Variants in GNA14 observed in about 807,000 individuals in gnomAD.
GNA14 encodes the protein guanine nucleotide-binding protein subunit alpha-14.
GNA14 carries 50 observed loss-of-function variants against 42.0 expected under a neutral mutation model. The ratio of observed to expected loss-of-function variants is 1.19; its 90% CI spans 0.95 to 1.51. The LOEUF is 1.51. GNA14 is among the 40% of genes most tolerant of loss of function. The probability of loss-of-function intolerance (pLI) is 0.00; values close to 1 mark genes in which losing one functional copy is unlikely to be tolerated. For synonymous variants in GNA14, 173 were observed against 163.1 expected, an observed-to-expected ratio of 1.06 and a Z score of -0.46; for missense variants, 473 against 446.2, an observed-to-expected ratio of 1.06 and a Z score of -0.54.
chr9:77,426,786 G>A (rs1018060004), intron 5 of GNA14, among the ~76,000 whole-genome samples: 8 of 152,176 alleles, frequency 5.3e-5, no homozygotes, highest in African/African-American at 1.4e-4. Context: ...AATTGTTCTA[G>A]ATAGCATTCT....
intron 2 of GNA14, among the ~76,000 whole-genome samples, chr9:77,446,877 C>T (rs1306549330): frequency 2.6e-5 from 4 of 152,188 alleles, no homozygotes; most frequent in Middle Eastern, 3.4e-3. Flanking sequence ...TCTAGGCTAG[C>T]TTAAAGAAAT....
intron 1 of GNA14, among the ~76,000 whole-genome samples, chr9:77,633,877 T>C (rs1237877785): frequency 6.6e-6 from 1 of 151,920 alleles, no homozygotes; most frequent in Non-Finnish European, 1.5e-5. Flanking sequence ...TCAAACATGG[T>C]GAGAAATAAA....
rs968159311 is a variant in GNA14, at chr9:77,534,242, G to A, written c.125-4989C>T. ...ATCATTTCTTATGTGAAATTTACCC[G>A]TTTACTTTTCATCTTTAAAGGAGAT... On this transcript the variant is annotated intron_variant, in intron 1 of 6. Coordinates refer to ENST00000341700, the MANE Select transcript of GNA14 (RefSeq NM_004297.4). Among the ~76,000 whole-genome samples the A allele has an allele frequency of 2.8e-4, 43 of 152,252 alleles. 1 individual carries two copies. The highest frequency in any genetic ancestry group is 1.2e-3 in the Admixed American group (18 of 15,292).
intron 1 of GNA14, among the ~76,000 whole-genome samples, chr9:77,536,306 C>T (rs10869938): frequency 0.68 from 103,385 of 152,078 alleles, 35,674 homozygotes; most frequent in Admixed American, 0.77. Context: ...AGCAGAACAA[C>T]GGAGCAGAAT....
At chr9:77,525,795 C>T (rs1024091380) in intron 2 of GNA14, among the ~76,000 whole-genome samples, 1 of 151,908 alleles carries the variant, frequency 6.6e-6, no homozygotes, top group Admixed American at 6.6e-5. Flanking sequence ...GCCTCGGCCT[C>T]CCAAAGTACT....
intron 1 of GNA14, among the ~76,000 whole-genome samples, chr9:77,548,685 T>C (rs1332656250): frequency 1.3e-5 from 2 of 152,268 alleles, no homozygotes; most frequent in South Asian, 2.1e-4. Flanking sequence ...TTAAGCAGTA[T>C]GTTAAAGAGC....
chr9:77,482,342 T>G (rs1836570348), intron 2 of GNA14, among the ~76,000 whole-genome samples: 1 of 152,198 alleles, frequency 6.6e-6, no homozygotes, highest in African/African-American at 2.4e-5. Context: ...AAAAGAATTC[T>G]GGGTTGAAAA....
intron 1 of GNA14, among the ~76,000 whole-genome samples, chr9:77,638,666 A>G (rs1227148317): frequency 6.6e-6 from 1 of 152,260 alleles, no homozygotes; most frequent in Non-Finnish European, 1.5e-5. Flanking sequence ...AGCATTTGGC[A>G]TTTATTCCAA....
At chr9:77,532,357 T>C (rs1180872947) in intron 1 of GNA14, among the ~76,000 whole-genome samples, 3 of 152,176 alleles carry the variant, frequency 2.0e-5, no homozygotes, top group African/African-American at 7.2e-5. Context: ...GTACAGAGAT[T>C]TCAATCCCTG....
At chr9:77,440,526 A>G (rs777565885) in intron 2 of GNA14, among the ~76,000 whole-genome samples, 10 of 152,180 alleles carry the variant, frequency 6.6e-5, no homozygotes, top group Non-Finnish European at 1.2e-4. Context: ...TAAATTTTAT[A>G]TTTTTAATTT....
intron 2 of GNA14, among the ~76,000 whole-genome samples, chr9:77,452,864 G>T (rs1351272758): frequency 6.6e-6 from 1 of 151,940 alleles, no homozygotes; most frequent in African/African-American, 2.4e-5. Context: ...GGGCACATTG[G>T]TTCATGCCTG....
intron 2 of GNA14, among the ~76,000 whole-genome samples, chr9:77,444,477 C>T (rs1297192249): frequency 1.3e-5 from 2 of 152,176 alleles, no homozygotes; most frequent in Non-Finnish European, 2.9e-5. Context: ...TGTGCAGGTT[C>T]CACTTCATCC....
intron 1 of GNA14, among the ~76,000 whole-genome samples, chr9:77,577,365 ATT>A (rs1188598219): frequency 6.6e-6 from 1 of 152,210 alleles, no homozygotes; most frequent in Non-Finnish European, 1.5e-5. Context: ...AGCTTTACCA[ATT>A]TGGTTAGTAT....
At chr9:77,485,542 C>T (rs1836643520) in intron 2 of GNA14, among the ~76,000 whole-genome samples, 1 of 152,110 alleles carries the variant, frequency 6.6e-6, no homozygotes, top group Admixed American at 6.6e-5. Flanking sequence ...GTGAATCCTT[C>T]CCAGAAGGCT....
chr9:77,558,295 T>TAGAC (rs1003860335), intron 1 of GNA14, among the ~76,000 whole-genome samples: 2 of 135,438 alleles, frequency 1.5e-5, no homozygotes, highest in Admixed American at 7.4e-5. Flanking sequence ...GATAGATAGA[T>TAGAC]AGACAGACAG....
At chr9:77,545,317 G>A (rs1002829760) in intron 1 of GNA14, among the ~76,000 whole-genome samples, 1 of 152,150 alleles carries the variant, frequency 6.6e-6, no homozygotes, top group Admixed American at 6.5e-5. Context: ...GAAAACATGG[G>A]AATTCCAATA....
chr9:77,587,275 T>A (rs868606519), intron 1 of GNA14, among the ~76,000 whole-genome samples: 1 of 152,194 alleles, frequency 6.6e-6, no homozygotes, highest in Non-Finnish European at 1.5e-5. Context: ...AATTACCACA[T>A]GACCCAGCAA....
At chr9:77,591,609 A>G (rs930798694) in intron 1 of GNA14, among the ~76,000 whole-genome samples, 9 of 152,206 alleles carry the variant, frequency 5.9e-5, no homozygotes, top group African/African-American at 1.9e-4. Flanking sequence ...TGAGAAGCAT[A>G]GTTTATGGAA....
chr9:77,521,333 C>T (rs1337318499), intron 2 of GNA14, among the ~76,000 whole-genome samples: 1 of 152,032 alleles, frequency 6.6e-6, no homozygotes, highest in East Asian at 1.9e-4. Context: ...CTCTGTGTTC[C>T]CAAAGGTTCG....
Sources: allele counts gnomAD v4.1 joint callset (sites outside exome capture counted in the v4.1 genomes callset), GRCh38; gene constraint gnomAD v4.1.1; transcripts MANE v1.5; gene names NCBI Gene and HGNC (gene_info 2026-07-23, HGNC 2026-07-21).